Variants in CDIN1 observed in about 807,000 individuals in gnomAD.
CDIN1 encodes the protein CDAN1-interacting nuclease 1.
Under a neutral mutation model 45.3 loss-of-function variants are expected in CDIN1, and 33 were observed. The ratio of observed to expected loss-of-function variants is 0.73; its 90% CI spans 0.55 to 0.97. The LOEUF is 0.97. CDIN1 is among the 50% of genes least tolerant of loss of function. CDIN1 has a pLI of 0.00. For synonymous variants in CDIN1, 118 were observed against 124.4 expected (o/e 0.95, Z 0.34); for missense variants, 303 against 339.4 (o/e 0.89, Z 0.84).
chr15:36,740,460 G>A (rs2044194098), intron 10 of CDIN1, among the ~76,000 whole-genome samples: 1 of 151,924 alleles, frequency 6.6e-6, no homozygotes, highest in Non-Finnish European at 1.5e-5. Context: ...GAAAGGAGTG[G>A]AAACTGTGGT....
intron 10 of CDIN1, among the ~76,000 whole-genome samples, chr15:36,739,909 C>A (rs561237787): frequency 1.3e-4 from 20 of 152,254 alleles, no homozygotes; most frequent in African/African-American, 4.8e-4. Context: ...AAGTTTTATT[C>A]TTTTTTTAAA....
chr15:36,725,400 G>A (rs1595523463), intron 10 of CDIN1, among the ~76,000 whole-genome samples: 1 of 146,256 alleles, frequency 6.8e-6, no homozygotes, highest in Admixed American at 6.9e-5. Context: ...AATAAAATTA[G>A]TTTTTCAAAA....
chr15:36,666,420 A>G (rs1359194691), intron 5 of CDIN1, among the ~76,000 whole-genome samples: 1 of 152,148 alleles, frequency 6.6e-6, no homozygotes, highest in African/African-American at 2.4e-5. Flanking sequence ...ACTGATCTTT[A>G]TCTGTATCCC....
chr15:36,774,159 T>TGC (rs755245228), intron 10 of CDIN1, among the ~76,000 whole-genome samples: 284 of 42,360 alleles, frequency 6.7e-3, no homozygotes, highest in Admixed American at 0.038. Context: ...TGTGTGTGTG[T>TGC]GTGTGCGCGC....
intron 1 of CDIN1, among the ~76,000 whole-genome samples, chr15:36,605,116 C>G (rs1400555573): frequency 6.6e-6 from 1 of 152,066 alleles, no homozygotes; most frequent in Non-Finnish European, 1.5e-5. Context: ...AAATTCATAC[C>G]TCTTTCCTAG....
At chr15:36,695,453 A>G (rs1566907787) in intron 7 of CDIN1, among the ~76,000 whole-genome samples, 2 of 152,182 alleles carry the variant, frequency 1.3e-5, no homozygotes, top group Admixed American at 6.6e-5. Context: ...GAAAATACAC[A>G]GCACTTCCAT....
chr15:36,766,529 A>G (rs948458322), intron 10 of CDIN1, among the ~76,000 whole-genome samples: 1 of 152,226 alleles, frequency 6.6e-6, no homozygotes, highest in South Asian at 2.1e-4. Context: ...CTCCAACAGC[A>G]TACAAAGGTT....
chr15:36,809,037 T>C lies in CDIN1; in HGVS notation c.*584T>C, dbSNP rs1311258296. 2.2e-6 allele frequency: 1 copy of C among 448,394 alleles called. No individual in the cohort carries two copies. Among genetic ancestry groups the C allele is most frequent in the Non-Finnish European group, 4.5e-6 (1 of 223,176 alleles). 27.8% of individuals were successfully genotyped at this position (448,394 alleles called of 1,614,324 possible). On this transcript the variant is annotated 3_prime_UTR_variant, in exon 11 of 11. Coordinates refer to ENST00000566621, the MANE Select transcript of CDIN1 (RefSeq NM_001321759.2). ...CCTTGATGGCAGCCTGCCTATGCTG[T>C]GTGTTTGCTATATTCAATCTTTACG...
intron 1 of CDIN1, among the ~76,000 whole-genome samples, chr15:36,588,477 G>T (rs537832175): frequency 8.5e-5 from 13 of 152,238 alleles, no homozygotes; most frequent in African/African-American, 2.6e-4. Context: ...AGAGAGAAAG[G>T]CTTTTATTGA....
chr15:36,761,317 C>T (rs1226469221), intron 10 of CDIN1, among the ~76,000 whole-genome samples: 1 of 152,168 alleles, frequency 6.6e-6, no homozygotes, highest in African/African-American at 2.4e-5. Context: ...ATAATTGCTT[C>T]ATTGCTAGTA....
chr15:36,786,569 A>G (rs2054496489), intron 10 of CDIN1, among the ~76,000 whole-genome samples: 1 of 152,150 alleles, frequency 6.6e-6, no homozygotes. Context: ...CTGTTTTATG[A>G]CACACAAGAT....
chr15:36,620,361 AAAAT>A (rs2039127243), intron 1 of CDIN1, among the ~76,000 whole-genome samples: 1 of 152,158 alleles, frequency 6.6e-6, no homozygotes, highest in African/African-American at 2.4e-5. Flanking sequence ...AAAAAAAATA[AAAAT>A]AAAATAAAAA....
chr15:36,581,435 T>C (rs2037040396), intron 1 of CDIN1, among the ~76,000 whole-genome samples: 2 of 152,222 alleles, frequency 1.3e-5, no homozygotes, highest in Non-Finnish European at 2.9e-5. Context: ...TGGTGTATTC[T>C]CTTATGCTCT....
chr15:36,681,671 A>C (rs974770309), intron 5 of CDIN1, among the ~76,000 whole-genome samples: 2 of 148,474 alleles, frequency 1.3e-5, no homozygotes, highest in African/African-American at 4.9e-5. Flanking sequence ...GACAAATTAC[A>C]TATATAGGGA....
chr15:36,746,035 GT>G (rs2140954660), intron 10 of CDIN1, among the ~76,000 whole-genome samples: 1 of 152,196 alleles, frequency 6.6e-6, no homozygotes, highest in East Asian at 1.9e-4. Context: ...ACAAAAAACA[GT>G]TTTTAGTACA....
chr15:36,783,684 G>A (rs1001176621), intron 10 of CDIN1, among the ~76,000 whole-genome samples: 1 of 152,164 alleles, frequency 6.6e-6, no homozygotes, highest in African/African-American at 2.4e-5. Flanking sequence ...GGAAACGTAA[G>A]TTGGAATTTG....
At chr15:36,610,264 C>T (rs559814310) in intron 1 of CDIN1, among the ~76,000 whole-genome samples, 1 of 152,330 alleles carries the variant, frequency 6.6e-6, no homozygotes, top group Admixed American at 6.5e-5. Flanking sequence ...TAGGAAGTCA[C>T]TTCAAATTGT....
chr15:36,797,824 A>T (rs986628610), intron 10 of CDIN1, among the ~76,000 whole-genome samples: 2 of 151,948 alleles, frequency 1.3e-5, no homozygotes, highest in South Asian at 4.2e-4. Context: ...TACTAAAAAT[A>T]CAAAAATTAG....
At chr15:36,682,310 A>G (rs1254025336) in intron 5 of CDIN1, among the ~76,000 whole-genome samples, 1 of 152,128 alleles carries the variant, frequency 6.6e-6, no homozygotes, top group Admixed American at 6.6e-5. Flanking sequence ...GAAGCAAACT[A>G]ATGTTTCAGC....
Sources: allele counts gnomAD v4.1 joint callset (sites outside exome capture counted in the v4.1 genomes callset), GRCh38; gene constraint gnomAD v4.1.1; transcripts MANE v1.5; gene names NCBI Gene and HGNC (gene_info 2026-07-23, HGNC 2026-07-21).